The following RALGAPB variants were observed in gnomAD, a reference collection of about 807,000 sequenced individuals.
RALGAPB encodes the protein ral GTPase-activating protein subunit beta.
A neutral mutation model predicts 161.1 loss-of-function variants in RALGAPB; 25 were observed. The ratio of observed to expected loss-of-function variants is 0.16; its 90% confidence interval spans 0.11 to 0.22. RALGAPB has a LOEUF of 0.22. Among genes scored for constraint, RALGAPB ranks in the 10% least tolerant of loss-of-function variants. The pLI is 1.00. For synonymous variants in RALGAPB, 629 were observed against 626.1 expected, an observed-to-expected ratio of 1.00 and a Z score of -0.07; for missense variants, 1,391 against 1,815.2, an observed-to-expected ratio of 0.77 and a Z score of 4.25.
chr20:38,484,718 G>T (rs1359710926), intron 1 of RALGAPB, among the ~76,000 whole-genome samples: 2 of 152,128 alleles, frequency 1.3e-5, no homozygotes, highest in East Asian at 3.9e-4. Flanking sequence ...AACAGAGCTT[G>T]TATACTAGCT....
intron 6 of RALGAPB, among the ~76,000 whole-genome samples, chr20:38,513,423 G>A (rs552115296): frequency 4.7e-4 from 70 of 148,930 alleles, no homozygotes; most frequent in African/African-American, 1.7e-3. Context: ...AGAATCGCTT[G>A]AACCGGGAAG....
Position 38,509,129 on chromosome 20 carries a change from G to C in RALGAPB, c.793G>C (p.Glu265Gln). Residue 265 changes from glutamate (E) to glutamine (Q), a missense_variant, in exon 6 of 30, where the codon GAA becomes CAA. Transcript: ENST00000262879. ...ATTTCCTGCATTTAAAGTTCCCGAT[G>C]AAGATGCCAGTCTGATCCCTCCAGA... Reference protein sequence around the residue: ...PSFPAFKVPDEDASLIPPEMD... With the variant: ...PSFPAFKVPDQDASLIPPEMD... 1 of 1,613,422 alleles carries C rather than the reference G, an allele frequency of 6.2e-7. No individual in the cohort carries two copies. The highest frequency in any genetic ancestry group is 8.5e-7 in the Non-Finnish European group (1 of 1,179,332).
chr20:38,497,786 A>G (rs1422155441), intron 4 of RALGAPB, among the ~76,000 whole-genome samples: 4 of 152,154 alleles, frequency 2.6e-5, no homozygotes, highest in Non-Finnish European at 1.5e-5. Flanking sequence ...AGCTTGTTTA[A>G]TAGGATAGGC....
In RALGAPB at chr20:38,546,447, T is replaced by C; in HGVS notation, c.2902+17T>C. The C allele has an allele frequency of 6.2e-7, 1 of 1,613,788 alleles. No individual in the cohort carries two copies. Among genetic ancestry groups the C allele is most frequent in the Non-Finnish European group, 8.5e-7 (1 of 1,179,748 alleles). ...ATGAGCAGAGTAAGTTTATAGTACTTTGAGCCTTCTCTACTGCTTAATCAG... is the reference window on the plus strand; with the variant it reads ...ATGAGCAGAGTAAGTTTATAGTACTCTGAGCCTTCTCTACTGCTTAATCAG... On this transcript the variant is annotated intron_variant, in intron 19 of 29. Coordinates refer to ENST00000262879, the MANE Select transcript of RALGAPB (RefSeq NM_020336.4).
intron 6 of RALGAPB, among the ~76,000 whole-genome samples, chr20:38,510,754 C>T (rs2085918363): frequency 7.1e-6 from 1 of 140,980 alleles, no homozygotes; most frequent in Non-Finnish European, 1.5e-5. Context: ...ACTAAAAATA[C>T]AAAAAATTAG....
At chr20:38,482,470 C>T (rs1391930104) in intron 1 of RALGAPB, among the ~76,000 whole-genome samples, 1 of 147,406 alleles carries the variant, frequency 6.8e-6, no homozygotes, top group African/African-American at 2.5e-5. Flanking sequence ...CTGTGTTGCC[C>T]AGGCTGGAGT....
rs995953934 is a variant in RALGAPB at position 38,577,732 on chromosome 20, CTCGCAT to C, written c.*2766_*2771del. 2.0e-5 allele frequency: 3 copies of C among 151,990 alleles called. No individual in the cohort carries two copies. The highest frequency in any genetic ancestry group is 4.4e-5 in the Non-Finnish European group (3 of 68,650). The allele number at this position is 151,990 out of a possible 1,614,324, so 9.4% of individuals were successfully genotyped here. A position where few individuals can be genotyped will look rare whatever the true frequency, so the allele number is the denominator to read the frequency against. On this transcript the variant is annotated 3_prime_UTR_variant, in exon 30 of 30. Coordinates refer to ENST00000262879, the MANE Select transcript of RALGAPB (RefSeq NM_020336.4). ...ACACACACACACACACACACACACA[CTCGCAT>C]ACTCATGCACATTTTCCTTCATTTC... is the stretch of plus-strand genomic sequence containing the variant.
chr20:38,559,365 G>T (rs1412786140), intron 23 of RALGAPB, among the ~76,000 whole-genome samples: 1 of 152,206 alleles, frequency 6.6e-6, no homozygotes, highest in Non-Finnish European at 1.5e-5. Context: ...TGCATAGTGT[G>T]CAGTGGGAGA....
At chr20:38,506,262 C>G (rs1353177332) in intron 5 of RALGAPB, among the ~76,000 whole-genome samples, 4 of 151,512 alleles carry the variant, frequency 2.6e-5, no homozygotes, top group African/African-American at 9.7e-5. Context: ...CCCTATAATT[C>G]TGAAGGACAA....
At position 38,535,193 on chromosome 20, in the gene RALGAPB, T is replaced by C. The variant is rs1173214677; in HGVS notation, c.2365T>C (p.Ser789Pro). ...SISLAALELL[S>P]GLAKVKVMVD... ...ATCACTGGCAGCTCTAGAGCTCCTCTCTGGCCTTGCAAAGGTGAGGAAGAC... is the reference window on the plus strand; with the variant it reads ...ATCACTGGCAGCTCTAGAGCTCCTCCCTGGCCTTGCAAAGGTGAGGAAGAC... Residue 789 changes from serine (S) to proline (P), a missense_variant, in exon 16 of 30, where the codon TCT (serine) becomes CCT (proline). This residue lies in a region of RALGAPB where 946 missense variants were observed against 1,257.2 expected (regional missense o/e 0.75). Transcript: ENST00000262879. 1 of 1,614,188 alleles carries C rather than the reference T, an allele frequency of 6.2e-7. No individual in the cohort carries two copies. The highest frequency in any genetic ancestry group is 2.2e-5 in the East Asian group (1 of 44,890).
At chr20:38,558,493 G>C (rs1240904014) in intron 23 of RALGAPB, 40 bp downstream of exon 23, 1 of 1,444,826 alleles carries the variant, frequency 6.9e-7, no homozygotes, top group African/African-American at 1.5e-5. Context: ...ATGTTTTTGT[G>C]CTATAAATAC....
intron 18 of RALGAPB, among the ~76,000 whole-genome samples, chr20:38,543,481 A>G (rs921672319): frequency 6.6e-5 from 10 of 152,088 alleles, no homozygotes; most frequent in African/African-American, 1.2e-4. Context: ...TTTGTATTCT[A>G]TTGCAAAACT....
intron 20 of RALGAPB, 30 bp from the exon 21 acceptor site, chr20:38,551,041 T>C: frequency 6.2e-7 from 1 of 1,609,946 alleles, no homozygotes; most frequent in Non-Finnish European, 8.5e-7. Context: ...GGACCCTGTG[T>C]AATAAACATA....
intron 22 of RALGAPB, 45 bp from the exon 23 acceptor site, chr20:38,558,246 CAATG>C (rs750005044): frequency 3.6e-6 from 5 of 1,382,302 alleles, no homozygotes; most frequent in Non-Finnish European, 4.8e-6. Flanking sequence ...ATAATTATAA[CAATG>C]AAAGAAAATA....
chr20:38,505,820 G>T (rs1352974034), intron 5 of RALGAPB, among the ~76,000 whole-genome samples: 1 of 152,054 alleles, frequency 6.6e-6, no homozygotes, highest in African/African-American at 2.4e-5. Flanking sequence ...AGATCTCGAA[G>T]TTATACCCGT....
chr20:38,504,854 T>C (rs976020697), intron 5 of RALGAPB, among the ~76,000 whole-genome samples: 1 of 151,940 alleles, frequency 6.6e-6, no homozygotes, highest in Admixed American at 6.5e-5. Context: ...ATCAAACAAA[T>C]GCAAATCAAA....
intron 28 of RALGAPB, among the ~76,000 whole-genome samples, chr20:38,572,689 C>A (rs2088284112): frequency 6.6e-6 from 1 of 152,102 alleles, no homozygotes; most frequent in African/African-American, 2.4e-5. Context: ...TTAAAACTTC[C>A]AGGTTTTATA....
At chr20:38,572,862 A>T (rs1414710061) in intron 28 of RALGAPB, among the ~76,000 whole-genome samples, 1 of 152,162 alleles carries the variant, frequency 6.6e-6, no homozygotes, top group Admixed American at 6.5e-5. Context: ...AAATTTCTTC[A>T]TTTTTACTAA....
rs1411276479 is a variant in RALGAPB, at chr20:38,553,997, C to T, written c.3293C>T (p.Pro1098Leu). ...SFPDPVTDCK[P>L]PPPAQEFQTA... ...CCTGACCCAGTTACGGATTGCAAGC[C>T]CCCGCCTCCTGCCCAGGAATTCCAA... The change falls in exon 22 of 30, where the codon CCC becomes CTC. Residue 1098 changes from proline (P) to leucine (L), a missense_variant. Transcript: ENST00000262879. The T allele has an allele frequency of 1.1e-5, 18 of 1,613,784 alleles. No homozygotes were observed. Among genetic ancestry groups the T allele is most frequent in the Admixed American group, 1.7e-5 (1 of 59,972 alleles).
Sources: allele counts gnomAD v4.1 joint callset (sites outside exome capture counted in the v4.1 genomes callset), GRCh38; gene constraint gnomAD v4.1.1; regional missense constraint gnomAD v4.1.1; transcripts MANE v1.5; gene names NCBI Gene and HGNC (gene_info 2026-07-23, HGNC 2026-07-21).